SLF1: variants seen among roughly 807,000 people sequenced by gnomAD.
The protein encoded by SLF1 is SMC5-SMC6 complex localization factor protein 1.
A neutral mutation model predicts 123.0 loss-of-function variants in SLF1; 105 were observed. The observed-to-expected ratio is 0.85, with a 90% CI of 0.73 to 1.00. The LOEUF (loss-of-function observed/expected upper bound fraction) is 1.00, where lower values mean the gene tolerates loss of function less well. SLF1 is among the 50% of genes least tolerant of loss of function. The pLI is 0.00. For missense variants in SLF1, 1,239 were observed against 1,223.0 expected (o/e 1.01, Z -0.20); for synonymous variants, 434 against 406.6 (o/e 1.07, Z -0.81).
chr5:94,677,867 A>G (rs1034314329), intron 14 of SLF1, among the ~76,000 whole-genome samples: 1 of 152,110 alleles, frequency 6.6e-6, no homozygotes, highest in Non-Finnish European at 1.5e-5. Flanking sequence ...GCCTTGTTAC[A>G]TTTCTTATAA....
intron 14 of SLF1, among the ~76,000 whole-genome samples, chr5:94,677,763 C>T (rs954895082): frequency 1.3e-5 from 2 of 152,092 alleles, no homozygotes; most frequent in Non-Finnish European, 2.9e-5. Context: ...CATTTTCACA[C>T]TTCTTCATCT....
In SLF1 at chr5:94,687,958, TTAA is replaced by T. The variant is rs202014008; in HGVS notation, c.2122-540_2122-538del. On this transcript the variant is annotated intron_variant, in intron 16 of 20. Transcript: ENST00000265140. ...TTTGGCTATCTTTAGATATTAATAT[TTAA>T]TAATAATTATTTATTATTATTAATA... 5.5e-4 allele frequency among the ~76,000 whole-genome samples: 83 copies of T among 150,240 alleles called. No individual in the cohort carries two copies. The East Asian group carries it at 0.013, about 23-fold the overall frequency.
At chr5:94,642,306 A>G (rs1358469573) in intron 4 of SLF1, among the ~76,000 whole-genome samples, 5 of 152,192 alleles carry the variant, frequency 3.3e-5, no homozygotes, top group East Asian at 3.8e-4. Context: ...TTTCATGAGC[A>G]TTTAATGGAG....
At chr5:94,634,024 T>A (rs756823783) in intron 4 of SLF1, among the ~76,000 whole-genome samples, 68 of 152,188 alleles carry the variant, frequency 4.5e-4, no homozygotes, top group Non-Finnish European at 7.4e-4. Flanking sequence ...TTTGCTTTTT[T>A]ATTAAGTTCA....
chr5:94,679,545 T>C (rs955318712), intron 15 of SLF1, among the ~76,000 whole-genome samples: 4 of 152,058 alleles, frequency 2.6e-5, no homozygotes, highest in African/African-American at 7.2e-5. Context: ...GGAGCCATGA[T>C]TGTGCCACTG....
chr5:94,645,899 C>T (rs1441855763), intron 5 of SLF1, among the ~76,000 whole-genome samples: 1 of 143,558 alleles, frequency 7.0e-6, no homozygotes, highest in Non-Finnish European at 1.5e-5. Context: ...GATCATATTC[C>T]AGTCCTCATT....
chr5:94,658,576 T>C (rs111969034), intron 9 of SLF1, among the ~76,000 whole-genome samples: 2,262 of 152,256 alleles, frequency 0.015, 55 homozygotes, highest in African/African-American at 0.052. Context: ...ATGCTTTTTC[T>C]CTTGATGTTT....
At position 94,692,114 on chromosome 5, in the gene SLF1, T is replaced by C. The variant is rs989904787; in HGVS notation, c.2553T>C (p.Tyr851=). 1 of 1,613,696 alleles carries C rather than the reference T, an allele frequency of 6.2e-7. No homozygotes were observed. The highest frequency in any genetic ancestry group is 2.2e-5 in the East Asian group (1 of 44,880). ...GWTPLHEACN[Y]GNTVCVQEIL... ...CGCCTTTGCATGAAGCCTGTAACTATGGCAACACAGTGTGTGTCCAGGAAA... is the reference window on the plus strand; with the variant it reads ...CGCCTTTGCATGAAGCCTGTAACTACGGCAACACAGTGTGTGTCCAGGAAA... Residue 851 remains tyrosine, a synonymous_variant, in exon 20 of 21, where the codon TAT becomes TAC. Coordinates refer to ENST00000265140, the MANE Select transcript of SLF1 (RefSeq NM_032290.4).
chr5:94,648,881 G>A (rs902465453), intron 5 of SLF1, among the ~76,000 whole-genome samples: 1 of 152,200 alleles, frequency 6.6e-6, no homozygotes, highest in Non-Finnish European at 1.5e-5. Context: ...AAGTATGTAT[G>A]CAATGAATTT....
chr5:94,682,123 T>C (rs527835374), intron 15 of SLF1, among the ~76,000 whole-genome samples: 2 of 152,288 alleles, frequency 1.3e-5, no homozygotes, highest in African/African-American at 4.8e-5. Context: ...AAATCTCATC[T>C]AAAGTTTTGA....
chr5:94,654,838 T>TACTA, intron 9 of SLF1, 86 bp downstream of exon 9: 1 of 954,942 alleles, frequency 1.0e-6, no homozygotes, highest in Non-Finnish European at 1.4e-6. Context: ...CATATATACA[T>TACTA]ATGATTCATT....
intron 7 of SLF1, among the ~76,000 whole-genome samples, chr5:94,652,814 A>C (rs1469094405): frequency 2.0e-5 from 3 of 151,960 alleles, no homozygotes; most frequent in African/African-American, 7.3e-5. Flanking sequence ...ATGTACACCT[A>C]CTCTGTCAAT....
At chr5:94,658,819 TC>T (rs1217512093) in intron 9 of SLF1, among the ~76,000 whole-genome samples, 2 of 151,370 alleles carry the variant, frequency 1.3e-5, no homozygotes, top group African/African-American at 2.4e-5. Flanking sequence ...GGCTTTTTTT[TC>T]GTTTTGTCTG....
chr5:94,620,049 T>A (rs1223382159), intron 1 of SLF1: 1 of 152,116 alleles, frequency 6.6e-6, no homozygotes, highest in African/African-American at 2.4e-5. Flanking sequence ...CGACTAATGT[T>A]TTGTATTTTT....
chr5:94,654,792 T>A (rs1318624694), intron 9 of SLF1, 40 bp downstream of exon 9: 2 of 1,434,078 alleles, frequency 1.4e-6, no homozygotes, highest in African/African-American at 2.9e-5. Context: ...TAATATCGTG[T>A]CTTACTGTAG....
intron 6 of SLF1, among the ~76,000 whole-genome samples, chr5:94,649,853 TATGTAA>T (rs1414359533): frequency 6.6e-6 from 1 of 152,168 alleles, no homozygotes; most frequent in Non-Finnish European, 1.5e-5. Flanking sequence ...GGTAATTACT[TATGTAA>T]TTACCATGTT....
intron 1 of SLF1, among the ~76,000 whole-genome samples, chr5:94,622,534 A>G (rs759685533): frequency 7.2e-5 from 11 of 152,184 alleles, no homozygotes; most frequent in Non-Finnish European, 1.5e-4. Context: ...TTACACTCAG[A>G]TAAAACCTAA....
intron 4 of SLF1, among the ~76,000 whole-genome samples, chr5:94,642,065 A>T (rs771830887): frequency 1.3e-5 from 2 of 152,194 alleles, no homozygotes; most frequent in African/African-American, 2.4e-5. Flanking sequence ...AGGGCAGGTA[A>T]GTTTTATTTC....
Position 94,634,957 on chromosome 5 carries a change from G to C in SLF1, c.431+4214G>C, listed in dbSNP as rs139398763. 1.8e-3 allele frequency among the ~76,000 whole-genome samples: 270 copies of C among 152,166 alleles called. 1 individual carries two copies. The highest frequency in any genetic ancestry group is 3.3e-3 in the Non-Finnish European group (222 of 67,980). On this transcript the variant is annotated intron_variant, in intron 4 of 20. Coordinates refer to ENST00000265140, the MANE Select transcript of SLF1 (RefSeq NM_032290.4). ...ATATTAACCCTTTTTTACACATATG[G>C]CTTGAAAATATTATCTCCTATTCCA... is the stretch of plus-strand genomic sequence containing the variant.
Sources: allele counts gnomAD v4.1 joint callset (sites outside exome capture counted in the v4.1 genomes callset), GRCh38; gene constraint gnomAD v4.1.1; transcripts MANE v1.5; gene names NCBI Gene and HGNC (gene_info 2026-07-23, HGNC 2026-07-21).